Variants in CHD7 observed in about 807,000 individuals in gnomAD.
CHD7 encodes ATP-dependent chromatin remodeler CHD7.
Under a neutral mutation model 307.3 loss-of-function variants are expected in CHD7, and 24 were observed. The ratio of observed to expected loss-of-function variants is 0.08; its 90% CI spans 0.06 to 0.11. The LOEUF is 0.11. Among genes scored for constraint, CHD7 ranks in the 10% least tolerant of loss-of-function variants. The probability of loss-of-function intolerance (pLI) is 1.00; values close to 1 mark genes in which losing one functional copy is unlikely to be tolerated. For synonymous variants in CHD7, 1,363 were observed against 1,349.9 expected, an observed-to-expected ratio of 1.01 and a Z score of -0.21; for missense variants, 3,106 against 3,727.1, an observed-to-expected ratio of 0.83 and a Z score of 4.34.
chr8:60,693,240 A>G (rs1399182389), intron 1 of CHD7, among the ~76,000 whole-genome samples: 1 of 152,134 alleles, frequency 6.6e-6, no homozygotes. Context: ...CATTATGGTC[A>G]CTGTCAACTT....
rs1452695182 is a variant in CHD7, at chr8:60,844,906, A to G, written c.4893A>G (p.Lys1631=). 1 of 1,611,878 alleles carries G rather than the reference A, an allele frequency of 6.2e-7. No individual in the cohort carries two copies. Among genetic ancestry groups the G allele is most frequent in the Non-Finnish European group, 8.5e-7 (1 of 1,178,480 alleles). Residue 1631 remains lysine (K), a synonymous_variant, in exon 22 of 38, where the codon AAA becomes AAG. Coordinates refer to ENST00000423902, the MANE Select transcript of CHD7 (RefSeq NM_017780.4). ...ACATTCTTTCCCACGGACGCTATAA[A>G]CGCCAACTCACTGAGCAAGATGTAG... ...WTDILSHGRY[K]RQLTEQDVET... is the part of the protein sequence containing the mutation.
At chr8:60,850,644 T>C (rs1279476839) in intron 26 of CHD7, 22 bp downstream of exon 26, 13 of 1,594,510 alleles carry the variant, frequency 8.2e-6, no homozygotes, top group Admixed American at 3.5e-5. Context: ...ATTTTAAAAT[T>C]TGAATAAACT....
intron 3 of CHD7, among the ~76,000 whole-genome samples, chr8:60,786,014 T>A (rs1811475588): frequency 6.6e-6 from 1 of 152,220 alleles, no homozygotes; most frequent in African/African-American, 2.4e-5. Context: ...CTTTCAGTGT[T>A]GGTGCCCATG....
chr8:60,806,779 G>T (rs1000505600), intron 6 of CHD7, among the ~76,000 whole-genome samples: 18 of 152,184 alleles, frequency 1.2e-4, no homozygotes, highest in Non-Finnish European at 2.4e-4. Context: ...GAGACGGGGG[G>T]ATTGCTTGAG....
intron 26 of CHD7, 78 bp from the exon 27 acceptor site, chr8:60,850,954 T>TA (rs1554603636): frequency 1.0e-6 from 1 of 999,424 alleles, no homozygotes; most frequent in Non-Finnish European, 1.5e-6. Flanking sequence ...GGCAGATTAT[T>TA]ACTCTTTCCT....
At chr8:60,713,088 TG>T (rs1807366612) in intron 1 of CHD7, among the ~76,000 whole-genome samples, 1 of 149,718 alleles carries the variant, frequency 6.7e-6, no homozygotes, top group Non-Finnish European at 1.5e-5. Context: ...CAGATTAAAT[TG>T]CTATAGAGAT....
At chr8:60,685,658 A>G (rs1805846443) in intron 1 of CHD7, among the ~76,000 whole-genome samples, 1 of 152,246 alleles carries the variant, frequency 6.6e-6, no homozygotes, top group South Asian at 2.1e-4. Context: ...ACCAATGTTT[A>G]TCAGAATACT....
intron 1 of CHD7, among the ~76,000 whole-genome samples, chr8:60,698,971 A>G (rs1806627444): frequency 6.6e-6 from 1 of 152,060 alleles, no homozygotes; most frequent in Non-Finnish European, 1.5e-5. Flanking sequence ...ATTTGGAGAG[A>G]TGGGGTTTCA....
At chr8:60,811,058 C>G (rs1372422674) in intron 7 of CHD7, among the ~76,000 whole-genome samples, 2 of 152,200 alleles carry the variant, frequency 1.3e-5, no homozygotes, top group Non-Finnish European at 2.9e-5. Flanking sequence ...GCAACCGTTT[C>G]ATTCCAAACT....
rs578146718 is a variant in CHD7, at chr8:60,761,067, C to A, written c.1665+17970C>A. Among the ~76,000 whole-genome samples the A allele has an allele frequency of 2.0e-5, 3 of 152,070 alleles. No homozygotes were observed. The South Asian group carries it at 6.2e-4, about 32-fold the overall frequency. ...CGTATGTTTACTGCGGCATTATTCA[C>A]AATAGCAAAGACTTGGAACCAACCC... On this transcript the variant is annotated intron_variant, in intron 2 of 37. Transcript: ENST00000423902.
At chr8:60,684,647 T>C (rs961874732) in intron 1 of CHD7, among the ~76,000 whole-genome samples, 2 of 152,110 alleles carry the variant, frequency 1.3e-5, no homozygotes, top group African/African-American at 4.8e-5. Context: ...GCAGGGAGGC[T>C]GTGTGTTTGA....
At position 60,865,381 on chromosome 8, in the gene CHD7, G is replaced by A. The variant is rs755632186; in HGVS notation, c.8442G>A (p.Gly2814=). Residue 2814 remains glycine, a synonymous_variant, in exon 38 of 38, where the codon GGG becomes GGA. Coordinates refer to ENST00000423902, the MANE Select transcript of CHD7 (RefSeq NM_017780.4). The surrounding 1 kb of genome is among the most constrained non-coding windows in gnomAD (Gnocchi z 4.3). ...TGCCCAACGTGTTTGGCTTGGGCGG[G>A]CTGTTGAATAACCCTCTGTCAGCTG... ...AGLPNVFGLG[G]LLNNPLSAAT... 4 of 1,612,948 alleles carry A rather than the reference G, an allele frequency of 2.5e-6. No individual in the cohort carries two copies. The highest frequency in any genetic ancestry group is 3.4e-6 in the Non-Finnish European group (4 of 1,179,608).
intron 13 of CHD7, 133 bp downstream of exon 13, chr8:60,824,149 C>A: frequency 1.3e-6 from 1 of 787,032 alleles, no homozygotes; most frequent in Non-Finnish European, 2.0e-6. Flanking sequence ...TATTCTCTGG[C>A]ACTTTCAGTT....
chr8:60,842,086 A>G, intron 21 of CHD7, 34 bp downstream of exon 21: 2 of 1,537,428 alleles, frequency 1.3e-6, no homozygotes, highest in Non-Finnish European at 1.8e-6. Context: ...ATAGAATTTT[A>G]TTGTAACAGT....
At position 60,767,567 on chromosome 8, in the gene CHD7, G is replaced by A. The variant is rs72650486; in HGVS notation, c.1666-13433G>A. On this transcript the variant is annotated intron_variant, in intron 2 of 37. Coordinates refer to ENST00000423902, the MANE Select transcript of CHD7 (RefSeq NM_017780.4). The stretch of plus-strand genomic sequence containing the variant: ...TGCCGAAGCTCATGGCACTCTGGTG[G>A]TGGATATCTGTGCTGTTGCAGCCAC... Among the ~76,000 whole-genome samples, 1,000 of 152,344 alleles carry A rather than the reference G, an allele frequency of 6.6e-3. 13 individuals are homozygous for A. The highest frequency in any genetic ancestry group is 0.011 in the Non-Finnish European group (725 of 68,028).
chr8:60,708,045 A>G (rs565737185), intron 1 of CHD7, among the ~76,000 whole-genome samples: 95 of 152,360 alleles, frequency 6.2e-4, no homozygotes, highest in Non-Finnish European at 1.2e-3. Context: ...TACTATAACC[A>G]GAGAGAGCGG....
At chr8:60,748,732 C>T (rs1479203384) in intron 2 of CHD7, among the ~76,000 whole-genome samples, 1 of 152,262 alleles carries the variant, frequency 6.6e-6, no homozygotes, top group African/African-American at 2.4e-5. Flanking sequence ...ATGGATTATG[C>T]TCTTAAATGG....
chr8:60,865,948 A>C lies in CHD7; in HGVS notation c.*15A>C. On this transcript the variant is annotated 3_prime_UTR_variant, in exon 38 of 38. Coordinates refer to ENST00000423902, the MANE Select transcript of CHD7 (RefSeq NM_017780.4). The surrounding 1 kb of genome is among the most constrained non-coding windows in gnomAD (Gnocchi z 4.3). ...ATGATGAATAACCAGTACCAGTTCC[A>C]GTTCAAGTGTTTAAAACTTTTGACA... 1 of 1,580,464 alleles carries C rather than the reference A, an allele frequency of 6.3e-7. No individual in the cohort carries two copies. The highest frequency in any genetic ancestry group is 1.2e-5 in the South Asian group (1 of 86,368).
chr8:60,763,747 C>G (rs1810335202), intron 2 of CHD7, among the ~76,000 whole-genome samples: 1 of 152,050 alleles, frequency 6.6e-6, no homozygotes, highest in Admixed American at 6.5e-5. Context: ...ATAAGACTCC[C>G]TGGCCTATCC....
Sources: allele counts gnomAD v4.1 joint callset (sites outside exome capture counted in the v4.1 genomes callset), GRCh38; gene constraint gnomAD v4.1.1; non-coding constraint Gnocchi (gnomAD v3.1); transcripts MANE v1.5; gene names NCBI Gene and HGNC (gene_info 2026-07-23, HGNC 2026-07-21).